ADAM19: variants seen among roughly 807,000 people sequenced by gnomAD.
ADAM19 encodes ADAM metallopeptidase domain 19.
ADAM19 carries 65 observed loss-of-function variants against 114.7 expected under a neutral mutation model. That is an observed-to-expected ratio of 0.57 (90% confidence interval 0.46 to 0.70). The LOEUF is 0.70. Ranked by LOEUF, ADAM19 falls within the 30% of genes least tolerant of loss-of-function variation. ADAM19 has a pLI of 0.00. For synonymous variants in ADAM19, 466 were observed against 460.5 expected, an observed-to-expected ratio of 1.01 and a Z score of -0.15; for missense variants, 1,063 against 1,204.7, an observed-to-expected ratio of 0.88 and a Z score of 1.74.
At chr5:157,530,387 C>T (rs914558091) in intron 5 of ADAM19, among the ~76,000 whole-genome samples, 2 of 152,182 alleles carry the variant, frequency 1.3e-5, no homozygotes, top group Non-Finnish European at 2.9e-5. Context: ...CATTCCTTCC[C>T]GCAGAAACCA....
intron 5 of ADAM19, among the ~76,000 whole-genome samples, chr5:157,523,686 C>T (rs1756372318): frequency 6.6e-6 from 1 of 152,170 alleles, no homozygotes; most frequent in African/African-American, 2.4e-5. Context: ...AACTGTAAGC[C>T]AAAATAAACC....
chr5:157,505,118 CAAAAAAAAAA>C (rs775250955), intron 11 of ADAM19, among the ~76,000 whole-genome samples: 1 of 86,860 alleles, frequency 1.2e-5, no homozygotes, highest in Non-Finnish European at 2.3e-5. Context: ...GACTCTGTCT[CAAAAAAAAAA>C]AAAAAAAAAA....
intron 1 of ADAM19, among the ~76,000 whole-genome samples, 158 bp downstream of exon 1, chr5:157,575,445 G>A (rs1757945276): frequency 6.6e-6 from 1 of 152,254 alleles, no homozygotes; most frequent in African/African-American, 2.4e-5. Flanking sequence ...CAGAACGTGG[G>A]AACAAAGCCC....
chr5:157,536,626 A>T (rs1214925029), intron 4 of ADAM19, among the ~76,000 whole-genome samples: 1 of 150,728 alleles, frequency 6.6e-6, no homozygotes, highest in African/African-American at 2.4e-5. Context: ...AAACTCTGTC[A>T]CACACACACA....
At chr5:157,547,410 G>C (rs1237119369) in intron 3 of ADAM19, among the ~76,000 whole-genome samples, 1 of 152,174 alleles carries the variant, frequency 6.6e-6, no homozygotes, top group Admixed American at 6.5e-5. Flanking sequence ...GGCCATGAGG[G>C]CTCCACCATA....
At chr5:157,481,138 T>G in intron 22 of ADAM19, 136 bp from the exon 23 acceptor site, 2 of 1,149,798 alleles carry the variant, frequency 1.7e-6, no homozygotes, top group Non-Finnish European at 2.5e-6. Flanking sequence ...GTGAAGTCCA[T>G]CCATGTGTCC....
intron 12 of ADAM19, among the ~76,000 whole-genome samples, chr5:157,501,610 G>T (rs1282951416): frequency 6.6e-6 from 1 of 152,118 alleles, no homozygotes; most frequent in East Asian, 1.9e-4. Flanking sequence ...AACCCCAGTG[G>T]CCCTCCATGT....
At chr5:157,498,235 A>T (rs1755430303) in intron 13 of ADAM19, among the ~76,000 whole-genome samples, 1 of 152,204 alleles carries the variant, frequency 6.6e-6, no homozygotes, top group Admixed American at 6.5e-5. Flanking sequence ...GGGCCAGCTG[A>T]GCAGCTTGCT....
chr5:157,571,649 G>A (rs975665879), intron 1 of ADAM19, among the ~76,000 whole-genome samples: 9 of 152,162 alleles, frequency 5.9e-5, no homozygotes, highest in African/African-American at 2.2e-4. Context: ...CCTGCGTGGT[G>A]GAGAATGGGG....
chr5:157,520,018 C>T lies in ADAM19; in HGVS notation c.421G>A (p.Val141Met), dbSNP rs1305562800. ...ATGACGTAGCTGAGGTTGCTGCTCA[C>T]CGTAATCAGTCCTCTGTTGAGAGGA... ...TCRGIRGLIT[V>M]SSNLSYVIEP... Residue 141 changes from valine (V) to methionine (M), a missense_variant, in exon 6 of 23, where the codon GTG (valine) becomes ATG (methionine). Coordinates refer to ENST00000257527, the MANE Select transcript of ADAM19 (RefSeq NM_033274.5). The T allele has an allele frequency of 2.5e-6, 4 of 1,613,574 alleles. No homozygotes were observed. Among genetic ancestry groups the T allele is most frequent in the Admixed American group, 1.7e-5 (1 of 59,952 alleles).
At chr5:157,537,205 G>T (rs1332339670) in intron 4 of ADAM19, among the ~76,000 whole-genome samples, 1 of 152,160 alleles carries the variant, frequency 6.6e-6, no homozygotes, top group African/African-American at 2.4e-5. Flanking sequence ...GAGAATCAAC[G>T]TTCTGAGCCT....
rs1180922261 is a variant in ADAM19, at chr5:157,481,005, G to A, written c.2704-3C>T. The A allele has an allele frequency of 1.2e-6, 2 of 1,614,060 alleles. No individual in the cohort carries two copies. The highest frequency in any genetic ancestry group is 2.2e-5 in the East Asian group (1 of 44,876). On this transcript the variant is annotated splice_region_variant and splice_polypyrimidine_tract_variant and intron_variant, in intron 22 of 22. Coordinates refer to ENST00000257527, the MANE Select transcript of ADAM19 (RefSeq NM_033274.5). ...CTCTGTGATCTGTATTCTGGAAACTGGGAAGAAAAAGAAGGGAGGGAGAGA... is the reference window on the plus strand; with the variant it reads ...CTCTGTGATCTGTATTCTGGAAACTAGGAAGAAAAAGAAGGGAGGGAGAGA...
Position 157,479,139 on chromosome 5 carries a change from C to T in ADAM19, c.*1810G>A, listed in dbSNP as rs558200202. 47 of 985,914 alleles carry T rather than the reference C, an allele frequency of 4.8e-5. No homozygotes were observed. The highest frequency in any genetic ancestry group is 1.2e-4 in the African/African-American group (7 of 57,352). The allele number at this position is 985,914 out of a possible 1,614,324, so 61.1% of individuals were successfully genotyped here. On this transcript the variant is annotated 3_prime_UTR_variant, in exon 23 of 23. Coordinates refer to ENST00000257527, the MANE Select transcript of ADAM19 (RefSeq NM_033274.5). ...GATGACCCACAGCAAGGATGACCCACGGCAAGGACATGGGGAACCTGTATC... is the reference window on the plus strand; with the variant it reads ...GATGACCCACAGCAAGGATGACCCATGGCAAGGACATGGGGAACCTGTATC...
At chr5:157,504,798 C>T (rs1051124883) in intron 11 of ADAM19, among the ~76,000 whole-genome samples, 36 of 151,930 alleles carry the variant, frequency 2.4e-4, no homozygotes, top group African/African-American at 8.5e-4. Context: ...GAAGAAACTC[C>T]CTAATTCTCT....
At chr5:157,539,628 G>T (rs796387073) in intron 3 of ADAM19, among the ~76,000 whole-genome samples, 16 of 152,320 alleles carry the variant, frequency 1.1e-4, no homozygotes, top group African/African-American at 3.8e-4. Flanking sequence ...TAAAAATAAA[G>T]CAAAGCACAA....
rs902340662 is a variant in ADAM19, at chr5:157,552,216, A to G, written c.251+12157T>C. ...ATATCATCTCACCCAGTTGAAAGAT[A>G]GGCAATAATAAATGCTGGTGAGGAT... is the stretch of plus-strand genomic sequence containing the variant. On this transcript the variant is annotated intron_variant, in intron 3 of 22. Coordinates refer to ENST00000257527, the MANE Select transcript of ADAM19 (RefSeq NM_033274.5). Among the ~76,000 whole-genome samples the G allele has an allele frequency of 2.0e-5, 3 of 152,164 alleles. 1 individual carries two copies. Among genetic ancestry groups the G allele is most frequent in the Admixed American group, 6.5e-5 (1 of 15,272 alleles).
intron 16 of ADAM19, among the ~76,000 whole-genome samples, 155 bp from the exon 17 acceptor site, chr5:157,492,067 G>A (rs1016743229): frequency 9.8e-5 from 15 of 152,300 alleles, no homozygotes; most frequent in Non-Finnish European, 1.8e-4. Flanking sequence ...TGAGGTGGGC[G>A]GATCACCAGA....
chr5:157,488,002 T>C (rs1488613539), intron 21 of ADAM19, among the ~76,000 whole-genome samples: 2 of 152,044 alleles, frequency 1.3e-5, no homozygotes, highest in African/African-American at 4.8e-5. Flanking sequence ...CAGAAGTTAA[T>C]ATGGGGTGGA....
At chr5:157,547,098 T>C (rs1450352364) in intron 3 of ADAM19, among the ~76,000 whole-genome samples, 1 of 152,042 alleles carries the variant, frequency 6.6e-6, no homozygotes, top group East Asian at 1.9e-4. Context: ...ATGGAAAGAG[T>C]ACAGGACACT....
Sources: allele counts gnomAD v4.1 joint callset (sites outside exome capture counted in the v4.1 genomes callset), GRCh38; gene constraint gnomAD v4.1.1; transcripts MANE v1.5; gene names NCBI Gene and HGNC (gene_info 2026-07-23, HGNC 2026-07-21).